Variants in MESP1 observed in about 807,000 individuals in gnomAD.
The protein encoded by MESP1 is mesoderm posterior protein 1.
In MESP1, 22 loss-of-function variants were observed where a neutral mutation model predicts 15.2. The observed-to-expected ratio is 1.45, with a 90% CI of 1.04 to 2.07. The LOEUF (loss-of-function observed/expected upper bound fraction) is 2.07. Ranked by LOEUF, MESP1 falls within the 30% of genes most tolerant of loss-of-function variation. The probability of loss-of-function intolerance (pLI) is 0.00; values close to 1 mark genes in which losing one functional copy is unlikely to be tolerated. For synonymous variants in MESP1, 216 were observed against 192.6 expected (o/e 1.12, Z -1.01); for missense variants, 484 against 411.9 (o/e 1.17, Z -1.51).
the MESP1 span, chr15:89,732,952 T>C: frequency 1.3e-6 from 2 of 1,558,060 alleles, no homozygotes; most frequent in Non-Finnish European, 1.8e-6. Flanking sequence ...CCTGTGCCCA[T>C]GGCCTCCTCC....
the MESP1 span, among the ~76,000 whole-genome samples, chr15:89,741,467 A>T: frequency 5.3e-5 from 8 of 152,034 alleles, no homozygotes; most frequent in Non-Finnish European, 1.2e-4. Flanking sequence ...GGCTCAAGTG[A>T]CCCTCCCACC....
At position 89,750,812 on chromosome 15, in the gene MESP1, T is replaced by C. The variant is rs1233321260; in HGVS notation, c.420A>G (p.Leu140=). Residue 140 remains leucine (L), a synonymous_variant, in exon 1 of 2, where the codon CTA becomes CTG. Transcript: ENST00000300057. The part of the protein sequence containing the change: ...IRYIGHLSAV[L]GLSEESLQRR... ...GCTGGAGACTCTCCTCGCTGAGGCC[T>C]AGCACGGCCGACAGGTGGCCGATAT... 5.2e-6 allele frequency: 8 copies of C among 1,530,738 alleles called. No homozygotes were observed. Among genetic ancestry groups the C allele is most frequent in the Admixed American group, 1.9e-5 (1 of 51,452 alleles). 94.8% of individuals were successfully genotyped at this position (1,530,738 alleles called of 1,614,324 possible). A position where few individuals can be genotyped will look rare whatever the true frequency, so the allele number is the denominator to read the frequency against.
At chr15:89,746,567 A>G (rs1195498946), downstream of MESP1, among the ~76,000 whole-genome samples, 2 of 147,634 alleles carry the variant, frequency 1.4e-5, no homozygotes, top group African/African-American at 5.1e-5. Flanking sequence ...ACATACACAC[A>G]GCCCTGCCTC....
chr15:89,748,595 C>T (rs1156560132), downstream of MESP1: 1 of 152,222 alleles, frequency 6.6e-6, no homozygotes, highest in East Asian at 1.9e-4. Flanking sequence ...GAAGTTCTGA[C>T]ACAGGAGGCA....
the MESP1 span, chr15:89,743,407 G>A: frequency 1.2e-6 from 2 of 1,613,654 alleles, no homozygotes; most frequent in Non-Finnish European, 1.7e-6. Flanking sequence ...CCACCGCCCT[G>A]GGATCTCTGA....
chr15:89,748,311 G>T (rs1968013136), downstream of MESP1, among the ~76,000 whole-genome samples: 1 of 152,208 alleles, frequency 6.6e-6, no homozygotes, highest in Non-Finnish European at 1.5e-5. Flanking sequence ...CCGCGGAGGT[G>T]TGAGGTCCCA....
chr15:89,748,371 G>C (rs116627903), downstream of MESP1, among the ~76,000 whole-genome samples: 5,670 of 152,252 alleles, frequency 0.037, 384 homozygotes, highest in African/African-American at 0.13. Flanking sequence ...CAAGCGCCAG[G>C]CCGGGTGTGC....
At chr15:89,747,253 G>C (rs559205984), downstream of MESP1, among the ~76,000 whole-genome samples, 5 of 152,126 alleles carry the variant, frequency 3.3e-5, no homozygotes, top group Non-Finnish European at 5.9e-5. Context: ...AAAGTTCCTC[G>C]AGTTCCCTGT....
downstream of MESP1, among the ~76,000 whole-genome samples, chr15:89,745,187 C>A (rs1351913739): frequency 6.6e-6 from 1 of 152,176 alleles, no homozygotes; most frequent in Non-Finnish European, 1.5e-5. This position sits in a 1 kb window ranked among gnomAD's most constrained non-coding sequence, Gnocchi z 4.8. Context: ...ACATGTGCTG[C>A]CCACACCTGG....
In MESP1 at chr15:89,750,246, C is replaced by T. The variant is rs1968056459; in HGVS notation, c.724-19G>A. On this transcript the variant is annotated intron_variant, in intron 1 of 1. Coordinates refer to ENST00000300057, the MANE Select transcript of MESP1 (RefSeq NM_018670.4). ...GAAGGAGCTGTAGGGAGAGACGGAA[C>T]AGCGCAGCCCTCAAGCACTGGTGGC... 6.2e-7 allele frequency: 1 copy of T among 1,613,004 alleles called. No homozygotes were observed. Among genetic ancestry groups the T allele is most frequent in the East Asian group, 2.2e-5 (1 of 44,882 alleles).
downstream of MESP1, among the ~76,000 whole-genome samples, chr15:89,747,135 CACACACACACA>C (rs1567139502): frequency 2.5e-4 from 37 of 150,174 alleles, no homozygotes; most frequent in Admixed American, 6.0e-4. Context: ...CACACACACA[CACACACACACA>C]CCCCTACCTT....
At chr15:89,735,471 T>A in the MESP1 span, 2 of 1,613,466 alleles carry the variant, frequency 1.2e-6, no homozygotes, top group Middle Eastern at 1.7e-4. Context: ...AGAATGTCTG[T>A]ATATTTTCTG....
In MESP1 at chr15:89,750,898, A is replaced by C. The variant is rs750335764; in HGVS notation, c.334T>G (p.Ser112Ala). ...LHELRRFLPP[S>A]VAPAGQSLTK... is the part of the protein sequence containing the mutation. ...AGGCTCTGGCCCGCGGGCGCCACGG[A>C]CGGCGGTAGAAAGCGGCGCAGCTCG... is the stretch of plus-strand genomic sequence containing the variant. The change falls in exon 1 of 2, where the codon TCC becomes GCC. Residue 112 changes from serine to alanine, a missense_variant. Coordinates refer to ENST00000300057, the MANE Select transcript of MESP1 (RefSeq NM_018670.4). The C allele has an allele frequency of 6.7e-7, 1 of 1,491,724 alleles. No homozygotes were observed. Among genetic ancestry groups the C allele is most frequent in the South Asian group, 1.3e-5 (1 of 78,812 alleles). 92.4% of individuals were successfully genotyped at this position (1,491,724 alleles called of 1,614,324 possible). A position where few individuals can be genotyped will look rare whatever the true frequency, so the allele number is the denominator to read the frequency against.
chr15:89,750,474 A>G (rs776062587), intron 1 of MESP1, 35 bp downstream of exon 1: 50 of 1,473,430 alleles, frequency 3.4e-5, no homozygotes, highest in Non-Finnish European at 4.2e-5. Flanking sequence ...GCGCGGGGGC[A>G]CGGACGAAGG....
chr15:89,749,212 T>C (rs1425385423), downstream of MESP1: 1 of 152,108 alleles, frequency 6.6e-6, no homozygotes, highest in Admixed American at 6.6e-5. Context: ...TCTCACCCCA[T>C]CTAGGCCTGT....
At chr15:89,738,213 A>G in the MESP1 span, 2 of 1,611,924 alleles carry the variant, frequency 1.2e-6, no homozygotes, top group African/African-American at 2.7e-5. Context: ...TGGAGAAGAG[A>G]TGTGAGCGTT....
chr15:89,749,956 T>G lies in MESP1; in HGVS notation c.*188A>C. 4.9e-6 allele frequency: 3 copies of G among 617,360 alleles called. No individual in the cohort carries two copies. Among genetic ancestry groups the G allele is most frequent in the Non-Finnish European group, 8.8e-6 (3 of 340,624 alleles). The allele number at this position is 617,360 out of a possible 1,614,324, so 38.2% of individuals were successfully genotyped here. ...GCTTGCCTCAAAGTGTCTAGCCCTA[T>G]GGGTCCCTCCATGGAGGGAGGGGCT... On this transcript the variant is annotated 3_prime_UTR_variant, in exon 2 of 2. Coordinates refer to ENST00000300057, the MANE Select transcript of MESP1 (RefSeq NM_018670.4).
chr15:89,732,995 A>ACTT, the MESP1 span: 1 of 1,613,184 alleles, frequency 6.2e-7, no homozygotes, highest in Non-Finnish European at 8.5e-7. Flanking sequence ...TTGTGTGATT[A>ACTT]CTTTCTCTAG....
chr15:89,738,225 C>T, the MESP1 span: 3 of 1,607,238 alleles, frequency 1.9e-6, no homozygotes, highest in African/African-American at 2.7e-5. Flanking sequence ...GTGAGCGTTT[C>T]CTCCAGAAGA....
Sources: allele counts gnomAD v4.1 joint callset (sites outside exome capture counted in the v4.1 genomes callset), GRCh38; gene constraint gnomAD v4.1.1; non-coding constraint Gnocchi (gnomAD v3.1); transcripts MANE v1.5; gene names NCBI Gene and HGNC (gene_info 2026-07-23, HGNC 2026-07-21).